RFX2: variants seen among roughly 807,000 people sequenced by gnomAD.
RFX2 encodes the protein regulatory factor X2.
RFX2 carries 20 observed loss-of-function variants against 87.8 expected under a neutral mutation model. The ratio of observed to expected loss-of-function variants is 0.23; its 90% CI spans 0.16 to 0.33. The LOEUF is 0.33. Among genes scored for constraint, RFX2 ranks in the 10% least tolerant of loss-of-function variants. The pLI, the probability that RFX2 is intolerant of heterozygous loss-of-function variation, is 1.00. For missense variants in RFX2, 767 were observed against 1,012.3 expected, an observed-to-expected ratio of 0.76 and a Z score of 3.29; for synonymous variants, 397 against 431.3, an observed-to-expected ratio of 0.92 and a Z score of 0.98.
At chr19:5,996,882 T>C (rs142123022) in intron 16 of RFX2, among the ~76,000 whole-genome samples, 178 bp downstream of exon 16, 135 of 152,384 alleles carry the variant, frequency 8.9e-4, no homozygotes, top group Non-Finnish European at 1.6e-3. Context: ...GAGACACTGC[T>C]GTGTCCTGGC....
In RFX2 at chr19:5,994,412, G is replaced by T. The variant is rs1032062723; in HGVS notation, c.*423C>A. On this transcript the variant is annotated 3_prime_UTR_variant, in exon 18 of 18. Coordinates refer to ENST00000303657, the MANE Select transcript of RFX2 (RefSeq NM_000635.4). ...GGGGAGAGGCCGTCCCTTTCTAGTC[G>T]GGCTCTGCCAGGTTTTTTTAATTTT... 6.4e-6 allele frequency: 1 copy of T among 157,378 alleles called. No individual in the cohort carries two copies. Among genetic ancestry groups the T allele is most frequent in the African/African-American group, 2.4e-5 (1 of 41,598 alleles). 9.7% of individuals were successfully genotyped at this position (157,378 alleles called of 1,614,324 possible).
rs774544360 is a variant in RFX2, at chr19:6,047,410, C to T, written c.87G>A (p.Pro29=). 1.9e-5 allele frequency: 31 copies of T among 1,605,466 alleles called. No individual in the cohort carries two copies. Among genetic ancestry groups the T allele is most frequent in the East Asian group, 4.5e-5 (2 of 44,588 alleles). The change falls in exon 2 of 18, where the codon CCG becomes CCA. Residue 29 remains proline, a synonymous_variant. Coordinates refer to ENST00000303657, the MANE Select transcript of RFX2 (RefSeq NM_000635.4). This position sits in a 1 kb window ranked among gnomAD's most constrained non-coding sequence, Gnocchi z 4.2. ...GTTGCTGAGAGGCGCGCGTTACCTG[C>T]GGGGAGGCTGGCACAGGCGGGGCTG... The part of the protein sequence containing the change: ...SAAAPPVPAS[P]QRVLVQAASS...
chr19:6,081,920 T>C (rs2087790728), intron 1 of RFX2, among the ~76,000 whole-genome samples: 1 of 152,110 alleles, frequency 6.6e-6, no homozygotes, highest in South Asian at 2.1e-4. Flanking sequence ...ACCCCATCTC[T>C]ACTAAAAAAT....
At chr19:6,037,066 C>G (rs1314324331) in intron 5 of RFX2, among the ~76,000 whole-genome samples, 1 of 152,102 alleles carries the variant, frequency 6.6e-6, no homozygotes, top group East Asian at 1.9e-4. Context: ...AGGCAGATCA[C>G]GAGGTCAGGA....
chr19:6,030,766 TA>T (rs1221456050), intron 5 of RFX2, among the ~76,000 whole-genome samples: 1 of 152,208 alleles, frequency 6.6e-6, no homozygotes, highest in Admixed American at 6.5e-5. Flanking sequence ...TCTATCTCAA[TA>T]AAAAATATAC....
chr19:6,031,554 C>T (rs1006855202), intron 5 of RFX2, among the ~76,000 whole-genome samples: 1 of 150,528 alleles, frequency 6.6e-6, no homozygotes, highest in Admixed American at 6.6e-5. Flanking sequence ...CTCAGCCTCC[C>T]GAGCAGCTGG....
rs1288041844 is a variant in RFX2 at position 6,050,757 on chromosome 19, A to G, written c.-8-3253T>C. Among the ~76,000 whole-genome samples, 1 of 152,218 alleles carries G rather than the reference A, an allele frequency of 6.6e-6. No homozygotes were observed. The highest frequency in any genetic ancestry group is 2.4e-5 in the African/African-American group (1 of 41,464). ...GAAAAAGAGAATGTAAGAGAAAAAA[A>G]TATTGAAAAATGGCCAAACACCTCT... On this transcript the variant is annotated intron_variant, in intron 1 of 17. Transcript: ENST00000303657. The surrounding 1 kb of genome is among the most constrained non-coding windows in gnomAD (Gnocchi z 4.6).
chr19:6,051,261 TA>T (rs2087262518), intron 1 of RFX2, among the ~76,000 whole-genome samples: 1 of 152,184 alleles, frequency 6.6e-6, no homozygotes, highest in African/African-American at 2.4e-5. Flanking sequence ...ATATATTTTA[TA>T]TTTTTCCTTT....
In RFX2 at chr19:6,004,198, C is replaced by T. The variant is rs111371330; in HGVS notation, c.1500+3G>A. 2.0e-4 allele frequency: 316 copies of T among 1,610,870 alleles called. 2 individuals carry two copies. In the African/African-American group the frequency reaches 2.8e-3, roughly 14 times the overall value. ...GGGAGCCCAGGCCCCACCCCGGACG[C>T]ACCTTGGTCTGGATGACCTGTTGTG... On this transcript the variant is annotated splice_donor_region_variant and intron_variant, in intron 13 of 17. Transcript: ENST00000303657. The surrounding 1 kb of genome is among the most constrained non-coding windows in gnomAD (Gnocchi z 4.8).
Position 6,024,205 on chromosome 19 carries a change from C to T in RFX2, c.597+1958G>A, listed in dbSNP as rs1018691869. The stretch of plus-strand genomic sequence containing the variant: ...GATACCCTGGACCCGCATGGGTTTG[C>T]GTTCAGGCTGAAGATGGCCTGATCC... On this transcript the variant is annotated intron_variant, in intron 6 of 17. Transcript: ENST00000303657. This position sits in a 1 kb window ranked among gnomAD's most constrained non-coding sequence, Gnocchi z 5.0. Among the ~76,000 whole-genome samples, 6 of 152,230 alleles carry T rather than the reference C, an allele frequency of 3.9e-5. No homozygotes were observed. In the East Asian group the frequency reaches 5.8e-4, roughly 15 times the overall value.
rs542152182 is a variant in RFX2, at chr19:6,024,247, G to C, written c.597+1916C>G. 7.2e-5 allele frequency among the ~76,000 whole-genome samples: 11 copies of C among 152,172 alleles called. No homozygotes were observed. The highest frequency in any genetic ancestry group is 1.6e-4 in the Non-Finnish European group (11 of 68,040). On this transcript the variant is annotated intron_variant, in intron 6 of 17. Coordinates refer to ENST00000303657, the MANE Select transcript of RFX2 (RefSeq NM_000635.4). The surrounding 1 kb of genome is among the most constrained non-coding windows in gnomAD (Gnocchi z 5.0). The stretch of plus-strand genomic sequence containing the variant: ...GCCTGATCCTTGCTGAATGGGGAAT[G>C]GTATTCTGCACATTTTCCCATGTAT...
intron 1 of RFX2, among the ~76,000 whole-genome samples, chr19:6,077,578 T>G (rs949608492): frequency 6.6e-6 from 1 of 152,222 alleles, no homozygotes; most frequent in Non-Finnish European, 1.5e-5. Context: ...AGTAGACATG[T>G]GCTAAACAGT....
rs1331729386 is a variant in RFX2 at position 6,013,004 on chromosome 19, G to C, written c.881C>G (p.Pro294Arg). 6.4e-7 allele frequency: 1 copy of C among 1,574,464 alleles called. No individual in the cohort carries two copies. The highest frequency in any genetic ancestry group is 1.7e-4 in the Middle Eastern group (1 of 5,906). Residue 294 changes from proline to arginine, a missense_variant, in exon 8 of 18, where the codon CCC becomes CGC. Coordinates refer to ENST00000303657, the MANE Select transcript of RFX2 (RefSeq NM_000635.4). This position sits in a 1 kb window ranked among gnomAD's most constrained non-coding sequence, Gnocchi z 4.1. ...DTQYMAMRQQPMHQKPRYRPA... is the reference protein window; with the variant it reads ...DTQYMAMRQQRMHQKPRYRPA... ...CACCCACCTGGGCTTCTGGTGCATG[G>C]GCTGCTGCCGCATGGCCATGTACTG...
Position 5,998,918 on chromosome 19 carries a change from G to A in RFX2, c.1860-1705C>T, listed in dbSNP as rs867768682. On this transcript the variant is annotated intron_variant, in intron 15 of 17. Coordinates refer to ENST00000303657, the MANE Select transcript of RFX2 (RefSeq NM_000635.4). The surrounding 1 kb of genome is among the most constrained non-coding windows in gnomAD (Gnocchi z 4.2). ...AGTGGGTGCTACAGAAATAAATCCC[G>A]TAAACCTAATTTTTATTTTTTATGA... Among the ~76,000 whole-genome samples the A allele has an allele frequency of 1.6e-4, 24 of 152,184 alleles. No individual in the cohort carries two copies. Among genetic ancestry groups the A allele is most frequent in the East Asian group, 5.8e-4 (3 of 5,184 alleles).
At chr19:6,090,391 A>G (rs1250484857) in intron 1 of RFX2, among the ~76,000 whole-genome samples, 2 of 151,964 alleles carry the variant, frequency 1.3e-5, no homozygotes, top group African/African-American at 4.8e-5. Context: ...AAAAAAAAGA[A>G]TACACATTTC....
rs1254558635 is a variant in RFX2, at chr19:6,016,742, A to G, written c.598-471T>C. ...TTGAGTTCTCTAAGCAGATTAATGAATCCCTCATTTTCTTTTGCTTATTGA... is the reference window on the plus strand; with the variant it reads ...TTGAGTTCTCTAAGCAGATTAATGAGTCCCTCATTTTCTTTTGCTTATTGA... On this transcript the variant is annotated intron_variant, in intron 6 of 17. Transcript: ENST00000303657. This position sits in a 1 kb window ranked among gnomAD's most constrained non-coding sequence, Gnocchi z 5.4. Among the ~76,000 whole-genome samples the G allele has an allele frequency of 7.2e-5, 11 of 152,142 alleles. No individual in the cohort carries two copies. The highest frequency in any genetic ancestry group is 7.2e-4 in the Admixed American group (11 of 15,274).
chr19:6,055,377 A>C (rs191574605), intron 1 of RFX2, among the ~76,000 whole-genome samples: 6 of 152,312 alleles, frequency 3.9e-5, no homozygotes, highest in African/African-American at 1.2e-4. Context: ...ATATCTCTTC[A>C]AAAAAATAAT....
intron 1 of RFX2, chr19:6,072,903 A>T (rs1045038025): frequency 3.5e-5 from 37 of 1,050,052 alleles, no homozygotes; most frequent in Non-Finnish European, 1.3e-5. Flanking sequence ...AGTCAGACCA[A>T]CATGTCAAAA....
At chr19:6,080,425 G>C (rs1225848559) in intron 1 of RFX2, among the ~76,000 whole-genome samples, 1 of 152,204 alleles carries the variant, frequency 6.6e-6, no homozygotes, top group Non-Finnish European at 1.5e-5. Flanking sequence ...TGAAAGTGCT[G>C]CTCTCAGGGT....
Sources: gnomAD v4.1 joint callset for allele counts (sites outside exome capture counted in the v4.1 genomes callset) on GRCh38, gnomAD v4.1.1 for gene constraint, Gnocchi (gnomAD v3.1) non-coding constraint, MANE v1.5 for transcripts, NCBI Gene and HGNC (gene_info 2026-07-23, HGNC 2026-07-21) for gene names.